HMG20A: variants seen among roughly 807,000 people sequenced by gnomAD.
HMG20A encodes the protein high mobility group protein 20A.
HMG20A carries 17 observed loss-of-function variants against 43.9 expected under a neutral mutation model. The ratio of observed to expected loss-of-function variants is 0.39; its 90% CI spans 0.27 to 0.58. The LOEUF (loss-of-function observed/expected upper bound fraction) is 0.58. Ranked by LOEUF, HMG20A falls within the 20% of genes least tolerant of loss-of-function variation. The pLI, the probability that HMG20A is intolerant of heterozygous loss-of-function variation, is 0.59. For synonymous variants in HMG20A, 132 were observed against 147.5 expected (o/e 0.89, Z 0.76); for missense variants, 341 against 438.2 (o/e 0.78, Z 1.98).
chr15:77,450,732 ATAAAC>A (rs2073727634), intron 1 of HMG20A, among the ~76,000 whole-genome samples: 1 of 152,252 alleles, frequency 6.6e-6, no homozygotes, highest in Non-Finnish European at 1.5e-5. Flanking sequence ...GGCAAGTTGA[ATAAAC>A]TAATTATCGT....
chr15:77,490,161 A>G (rs953132280), downstream of HMG20A, among the ~76,000 whole-genome samples: 25 of 152,086 alleles, frequency 1.6e-4, no homozygotes, highest in African/African-American at 5.8e-4. Context: ...GGTGGCGCGC[A>G]TCTGTAATCC....
At chr15:77,498,561 G>A in the HMG20A span, among the ~76,000 whole-genome samples, 28 of 152,120 alleles carry the variant, frequency 1.8e-4, no homozygotes, top group Admixed American at 2.0e-4. Flanking sequence ...TCAGGTAGCC[G>A]AAGAAGTTCT....
chr15:77,499,905 C>T, the HMG20A span, among the ~76,000 whole-genome samples: 4 of 151,862 alleles, frequency 2.6e-5, no homozygotes, highest in African/African-American at 9.7e-5. Context: ...TCCTGGCTCA[C>T]TGCAACCTCC....
intron 1 of HMG20A, among the ~76,000 whole-genome samples, chr15:77,426,820 T>C (rs2073432493): frequency 6.6e-6 from 1 of 152,172 alleles, no homozygotes; most frequent in Non-Finnish European, 1.5e-5. Context: ...TCATTCTTTC[T>C]CAGATCCTAG....
At chr15:77,422,003 G>A (rs2073362032) in intron 1 of HMG20A, among the ~76,000 whole-genome samples, 1 of 152,156 alleles carries the variant, frequency 6.6e-6, no homozygotes, top group Admixed American at 6.5e-5. Context: ...AGGACAAAAG[G>A]TCAATAAGAA....
chr15:77,464,906 C>T (rs2072740620), intron 3 of HMG20A: 1 of 151,744 alleles, frequency 6.6e-6, no homozygotes, highest in Admixed American at 6.6e-5. Flanking sequence ...TTTTAAGGCA[C>T]TCTTTTTTTT....
intron 3 of HMG20A, among the ~76,000 whole-genome samples, chr15:77,465,403 T>G (rs565711242): frequency 1.3e-5 from 2 of 150,530 alleles, no homozygotes; most frequent in African/African-American, 2.4e-5. Flanking sequence ...GTTTTTTGTT[T>G]TTTTTTTTTT....
chr15:77,436,029 A>G lies in HMG20A; in HGVS notation c.-5+15025A>G, dbSNP rs945297769. Among the ~76,000 whole-genome samples the G allele has an allele frequency of 2.0e-5, 3 of 151,830 alleles. No homozygotes were observed. In the East Asian group the frequency reaches 5.8e-4, roughly 29 times the overall value. On this transcript the variant is annotated intron_variant, in intron 1 of 9. Transcript: ENST00000336216. Reference sequence around the variant, plus strand: ...ATACTATCTACTATACTTGCTGGAAACTCCTAAACTCCTGTCTCCATCTCA... The same window carrying G: ...ATACTATCTACTATACTTGCTGGAAGCTCCTAAACTCCTGTCTCCATCTCA...
chr15:77,514,269 T>A, the HMG20A span, among the ~76,000 whole-genome samples: 1 of 152,202 alleles, frequency 6.6e-6, no homozygotes, highest in Non-Finnish European at 1.5e-5. Context: ...TGGGTGAATT[T>A]CACAGACATA....
At chr15:77,455,997 C>T (rs2072650769) in intron 1 of HMG20A, among the ~76,000 whole-genome samples, 1 of 152,162 alleles carries the variant, frequency 6.6e-6, no homozygotes, top group African/African-American at 2.4e-5. Flanking sequence ...CTTCCACCCA[C>T]TTTATTACTC....
the HMG20A span, among the ~76,000 whole-genome samples, chr15:77,501,011 G>T: frequency 1.3e-5 from 2 of 152,158 alleles, no homozygotes; most frequent in Non-Finnish European, 2.9e-5. Context: ...CCCAAACTCA[G>T]AATTCACGGC....
At chr15:77,518,633 C>T in the HMG20A span, among the ~76,000 whole-genome samples, 3 of 152,320 alleles carry the variant, frequency 2.0e-5, no homozygotes, top group Admixed American at 6.5e-5. Flanking sequence ...GGTCCACAAC[C>T]GAGCCATCCT....
chr15:77,446,837 G>A (rs927593973), intron 1 of HMG20A, among the ~76,000 whole-genome samples: 1 of 151,376 alleles, frequency 6.6e-6, no homozygotes, highest in African/African-American at 2.4e-5. Flanking sequence ...ATACATATGT[G>A]TCTTTACCAA....
chr15:77,502,029 C>T, the HMG20A span, among the ~76,000 whole-genome samples: 1 of 151,912 alleles, frequency 6.6e-6, no homozygotes, highest in African/African-American at 2.4e-5. Flanking sequence ...CAAATCTGGC[C>T]CATATGTTTC....
chr15:77,465,403 T>C (rs565711242), intron 3 of HMG20A, among the ~76,000 whole-genome samples: 1 of 150,634 alleles, frequency 6.6e-6, no homozygotes, highest in Admixed American at 6.6e-5. Context: ...GTTTTTTGTT[T>C]TTTTTTTTTT....
At chr15:77,487,200 C>A (rs2072949932), downstream of HMG20A, among the ~76,000 whole-genome samples, 1 of 152,184 alleles carries the variant, frequency 6.6e-6, no homozygotes, top group Non-Finnish European at 1.5e-5. Flanking sequence ...TTGGCCAGAA[C>A]TCAATCATGT....
At chr15:77,470,720 C>G (rs920778412) in intron 4 of HMG20A, among the ~76,000 whole-genome samples, 190 bp from the exon 5 acceptor site, 1 of 152,112 alleles carries the variant, frequency 6.6e-6, no homozygotes, top group Non-Finnish European at 1.5e-5. Flanking sequence ...GACCTATTTA[C>G]TTTTATAATT....
intron 8 of HMG20A, 76 bp downstream of exon 8, chr15:77,478,586 T>G (rs969208230): frequency 1.8e-6 from 2 of 1,132,880 alleles, no homozygotes; most frequent in African/African-American, 3.0e-5. Flanking sequence ...TTTATGTTAG[T>G]ACTGGTGTGG....
intron 4 of HMG20A, among the ~76,000 whole-genome samples, chr15:77,468,027 A>G (rs2072772429): frequency 6.6e-6 from 1 of 152,208 alleles, no homozygotes; most frequent in African/African-American, 2.4e-5. Context: ...TACACTTTTT[A>G]AAAAGGATTC....
Sources: allele counts gnomAD v4.1 joint callset (sites outside exome capture counted in the v4.1 genomes callset), GRCh38; gene constraint gnomAD v4.1.1; transcripts MANE v1.5; gene names NCBI Gene and HGNC (gene_info 2026-07-23, HGNC 2026-07-21).